GPC6: variants seen among roughly 807,000 people sequenced by gnomAD.
The protein encoded by GPC6 is glypican-6.
In GPC6, 14 loss-of-function variants were observed where a neutral mutation model predicts 55.2. The ratio of observed to expected loss-of-function variants is 0.25; its 90% CI spans 0.17 to 0.40. GPC6 has a LOEUF of 0.40. Ranked by LOEUF, GPC6 falls within the 10% of genes least tolerant of loss-of-function variation. The probability of loss-of-function intolerance (pLI) is 1.00; values close to 1 mark genes in which losing one functional copy is unlikely to be tolerated. For missense variants in GPC6, 641 were observed against 708.5 expected (o/e 0.90, Z 1.08); for synonymous variants, 278 against 259.6 (o/e 1.07, Z -0.68).
intron 8 of GPC6, among the ~76,000 whole-genome samples, chr13:94,399,529 T>C (rs1881040197): frequency 6.6e-6 from 1 of 152,210 alleles, no homozygotes; most frequent in African/African-American, 2.4e-5. Flanking sequence ...GAACATAAGA[T>C]GTGAAGTTGC....
intron 7 of GPC6, among the ~76,000 whole-genome samples, chr13:94,386,133 G>A (rs1196739253): frequency 6.6e-6 from 1 of 150,732 alleles, no homozygotes; most frequent in Non-Finnish European, 1.5e-5. Context: ...GCCAAGGCGG[G>A]CGGATGATGA....
chr13:94,376,372 T>C (rs1594219550), intron 6 of GPC6, among the ~76,000 whole-genome samples: 1 of 150,400 alleles, frequency 6.6e-6, no homozygotes, highest in Admixed American at 6.6e-5. Context: ...AAAATCAATG[T>C]AGAAAAATCA....
chr13:93,223,257 C>T (rs565943116), upstream of GPC6, among the ~76,000 whole-genome samples: 1 of 152,234 alleles, frequency 6.6e-6, no homozygotes, highest in East Asian at 1.9e-4. Context: ...CTCTTCAAGA[C>T]TGTGTCTATT....
intron 3 of GPC6, among the ~76,000 whole-genome samples, chr13:93,926,175 A>G (rs1877846836): frequency 6.6e-6 from 1 of 152,106 alleles, no homozygotes; most frequent in Non-Finnish European, 1.5e-5. Flanking sequence ...CACACAGATG[A>G]GCCCAGATGC....
intron 1 of GPC6, among the ~76,000 whole-genome samples, chr13:93,391,453 G>A (rs1875629017): frequency 6.6e-6 from 1 of 152,124 alleles, no homozygotes; most frequent in African/African-American, 2.4e-5. Context: ...TCTCAAGTAT[G>A]ATTTGACTTT....
chr13:93,964,802 A>T (rs1055943604), intron 3 of GPC6, among the ~76,000 whole-genome samples: 4 of 152,164 alleles, frequency 2.6e-5, no homozygotes, highest in African/African-American at 9.7e-5. Context: ...TTATTCACCT[A>T]CTAGAAAGAG....
At chr13:93,223,657 T>A (rs576788482), upstream of GPC6, among the ~76,000 whole-genome samples, 1 of 152,100 alleles carries the variant, frequency 6.6e-6, no homozygotes, top group African/African-American at 2.4e-5. Flanking sequence ...TTGGCTAGCC[T>A]GGTCTCTAAC....
intron 2 of GPC6, among the ~76,000 whole-genome samples, chr13:93,786,766 A>G (rs887206702): frequency 8.7e-4 from 132 of 152,308 alleles, no homozygotes; most frequent in African/African-American, 3.1e-3. Context: ...AAAAAATTAT[A>G]TATATATGCA....
intron 1 of GPC6, among the ~76,000 whole-genome samples, chr13:93,348,209 C>G (rs1880494781): frequency 6.6e-6 from 1 of 152,250 alleles, no homozygotes; most frequent in East Asian, 1.9e-4. Context: ...AATTGGGCAA[C>G]ATGACTAGTA....
At chr13:93,991,341 G>A (rs1881296136) in intron 3 of GPC6, among the ~76,000 whole-genome samples, 1 of 152,100 alleles carries the variant, frequency 6.6e-6, no homozygotes, top group African/African-American at 2.4e-5. Flanking sequence ...AGAATACAAA[G>A]TTTATTATGT....
At chr13:93,576,306 A>G (rs969066827) in intron 2 of GPC6, among the ~76,000 whole-genome samples, 1 of 152,158 alleles carries the variant, frequency 6.6e-6, no homozygotes, top group Non-Finnish European at 1.5e-5. Context: ...TAATTAAAAG[A>G]AGACAAAAAA....
chr13:94,324,829 T>A (rs1877029907), intron 6 of GPC6, among the ~76,000 whole-genome samples: 1 of 152,076 alleles, frequency 6.6e-6, no homozygotes, highest in Non-Finnish European at 1.5e-5. Context: ...CAAATACTAA[T>A]AAGGATACGC....
At chr13:93,368,906 A>T (rs1237596374) in intron 1 of GPC6, among the ~76,000 whole-genome samples, 1 of 152,054 alleles carries the variant, frequency 6.6e-6, no homozygotes, top group East Asian at 1.9e-4. Flanking sequence ...CAGTGGGTTC[A>T]TAATTGCTGA....
At chr13:93,931,164 C>T (rs1173440333) in intron 3 of GPC6, among the ~76,000 whole-genome samples, 1 of 151,974 alleles carries the variant, frequency 6.6e-6, no homozygotes, top group Non-Finnish European at 1.5e-5. Context: ...TTGATGGGGA[C>T]ACAAATCCAA....
chr13:93,849,914 A>G (rs867838635), intron 3 of GPC6, among the ~76,000 whole-genome samples: 7 of 151,236 alleles, frequency 4.6e-5, no homozygotes, highest in African/African-American at 7.3e-5. Flanking sequence ...GAAAGAAATA[A>G]AGGGAGAAGC....
chr13:93,488,737 T>C (rs1255155517), intron 1 of GPC6, among the ~76,000 whole-genome samples: 1 of 152,224 alleles, frequency 6.6e-6, no homozygotes, highest in Non-Finnish European at 1.5e-5. Flanking sequence ...TGAGCATTTT[T>C]TCATGTATTT....
intron 2 of GPC6, among the ~76,000 whole-genome samples, chr13:93,726,419 A>G (rs1405991146): frequency 6.6e-6 from 1 of 152,066 alleles, no homozygotes; most frequent in Non-Finnish European, 1.5e-5. Flanking sequence ...CAGATGTGAA[A>G]AAGTTCATCC....
At chr13:93,609,628 T>C (rs1878384943) in intron 2 of GPC6, among the ~76,000 whole-genome samples, 1 of 152,196 alleles carries the variant, frequency 6.6e-6, no homozygotes, top group Non-Finnish European at 1.5e-5. Flanking sequence ...TGCTGCCTGA[T>C]TGATCTCCTA....
chr13:94,394,775 G>C (rs1880821582), intron 7 of GPC6, among the ~76,000 whole-genome samples: 1 of 152,162 alleles, frequency 6.6e-6, no homozygotes, highest in African/African-American at 2.4e-5. Flanking sequence ...AAGGAGAAAA[G>C]GCTCTTGAGG....
Sources: allele counts gnomAD v4.1 joint callset (sites outside exome capture counted in the v4.1 genomes callset), GRCh38; gene constraint gnomAD v4.1.1; transcripts MANE v1.5; gene names NCBI Gene and HGNC (gene_info 2026-07-23, HGNC 2026-07-21).